Variants in STK11 observed in about 807,000 individuals in gnomAD.
STK11 encodes serine/threonine-protein kinase STK11.
A neutral mutation model predicts 47.3 loss-of-function variants in STK11; 8 were observed. That is an observed-to-expected ratio of 0.17 (90% CI 0.10 to 0.31). STK11 has a LOEUF of 0.31. Among genes scored for constraint, STK11 ranks in the 10% least tolerant of loss-of-function variants. STK11 has a pLI of 1.00. For synonymous variants in STK11, 330 were observed against 255.8 expected (o/e 1.29, Z -2.77); for missense variants, 475 against 605.0 (o/e 0.79, Z 2.25).
intron 3 of STK11, 60 bp from the exon 4 acceptor site, chr19:1,220,313 G>A: frequency 6.4e-7 from 1 of 1,555,078 alleles, no homozygotes; most frequent in Non-Finnish European, 8.7e-7. Context: ...CAGCTGCAAA[G>A]GGGACCCCTG....
At chr19:1,221,773 G>C in intron 6 of STK11, 176 bp from the exon 7 acceptor site, 2 of 695,978 alleles carry the variant, frequency 2.9e-6, no homozygotes, top group Middle Eastern at 3.4e-4. Context: ...GGCTGTCCCC[G>C]GCATGTCCCA....
intron 8 of STK11, chr19:1,226,044 T>C (rs1568716067): frequency 1.9e-6 from 2 of 1,026,112 alleles, no homozygotes; most frequent in Non-Finnish European, 2.3e-6. Context: ...GGCCCTCCTG[T>C]GTCCTCACAG....
intron 5 of STK11, 106 bp from the exon 6 acceptor site, chr19:1,221,107 G>T: frequency 6.6e-7 from 1 of 1,506,126 alleles, no homozygotes; most frequent in Non-Finnish European, 9.0e-7. Context: ...CAGGGCCTCT[G>T]GTCCAGCAGC....
At position 1,221,933 on chromosome 19, in the gene STK11, G is replaced by C. The variant is rs373096204; in HGVS notation, c.863-16G>C. ...CCTGTGCCCAGCTGACAGGCTCCTC[G>C]CCGGCTTCTCCTCAGGGATGCTTGA... On this transcript the variant is annotated splice_polypyrimidine_tract_variant and intron_variant, in intron 6 of 9. Coordinates refer to ENST00000326873, the MANE Select transcript of STK11 (RefSeq NM_000455.5). 1 of 1,551,482 alleles carries C rather than the reference G, an allele frequency of 6.4e-7. No homozygotes were observed. The highest frequency in any genetic ancestry group is 1.2e-5 in the South Asian group (1 of 84,150).
intron 2 of STK11, among the ~76,000 whole-genome samples, chr19:1,218,751 C>T (rs2080761028): frequency 6.6e-6 from 1 of 152,208 alleles, no homozygotes; most frequent in South Asian, 2.1e-4. Flanking sequence ...CTCAGAGTCT[C>T]CTCCCAGGCT....
chr19:1,209,311 G>A (rs983181893), intron 1 of STK11, among the ~76,000 whole-genome samples: 26 of 152,260 alleles, frequency 1.7e-4, no homozygotes, highest in Middle Eastern at 6.8e-3. Flanking sequence ...GGCCGGGCGC[G>A]GTGGCTCACG....
intron 1 of STK11, among the ~76,000 whole-genome samples, chr19:1,214,985 C>T (rs569463536): frequency 1.3e-5 from 2 of 152,354 alleles, no homozygotes; most frequent in South Asian, 2.1e-4. Context: ...CACCGCATCT[C>T]CTCTGAATAG....
In STK11 at chr19:1,223,078, G is replaced by C. The variant is rs375462277; in HGVS notation, c.1014G>C (p.Val338=). ...ACCGGTGGCGCAGCATGACTGTGGT[G>C]CCGTACTTGGAGGACCTGCACGGCG... The part of the protein sequence containing the change: ...TKDRWRSMTV[V]PYLEDLHGAD... The change falls in exon 8 of 10, where the codon GTG becomes GTC. Residue 338 remains valine (V), a synonymous_variant. Transcript: ENST00000326873. 2 of 1,608,512 alleles carry C rather than the reference G, an allele frequency of 1.2e-6. No individual in the cohort carries two copies. Among genetic ancestry groups the C allele is most frequent in the Non-Finnish European group, 1.7e-6 (2 of 1,178,162 alleles).
chr19:1,207,919 C>A (rs1024821852), intron 1 of STK11, among the ~76,000 whole-genome samples: 1 of 152,202 alleles, frequency 6.6e-6, no homozygotes. Flanking sequence ...TGCATCTGTG[C>A]GCGGAGAAGC....
intron 3 of STK11, 98 bp from the exon 4 acceptor site, chr19:1,220,275 G>C (rs1438673046): frequency 6.8e-7 from 1 of 1,462,898 alleles, no homozygotes; most frequent in Non-Finnish European, 9.2e-7. Flanking sequence ...TTCCCAGCTG[G>C]GCCTGTGGTG....
At position 1,218,385 on chromosome 19, in the gene STK11, C is replaced by T. The variant is rs57281474; in HGVS notation, c.291-32C>T. Reference sequence around the variant, plus strand: ...CCAGGCCATCATCCTGACGTTGGGTCGGCTGATACACCCCTGTCCTCTCTG... The same window carrying T: ...CCAGGCCATCATCCTGACGTTGGGTTGGCTGATACACCCCTGTCCTCTCTG... On this transcript the variant is annotated intron_variant, in intron 1 of 9. Transcript: ENST00000326873. 7.1e-3 allele frequency: 11,284 copies of T among 1,579,526 alleles called. 775 individuals carry two copies. The African/African-American group carries it at 0.14, about 19-fold the overall frequency.
At chr19:1,223,266 T>G in intron 8 of STK11, 94 bp downstream of exon 8, 1 of 1,427,102 alleles carries the variant, frequency 7.0e-7, no homozygotes, top group Non-Finnish European at 9.5e-7. Flanking sequence ...AAGGACAGCT[T>G]CTGCCCTCTG....
intron 2 of STK11, 44 bp from the exon 3 acceptor site, chr19:1,219,280 G>C: frequency 1.3e-6 from 2 of 1,552,648 alleles, no homozygotes; most frequent in South Asian, 2.4e-5. Flanking sequence ...CCCTGGGCCT[G>C]TGAGTGGGGC....
rs2080782189 is a variant in STK11, at chr19:1,221,280, G to A, written c.802G>A (p.Gly268Arg). 1.2e-6 allele frequency: 2 copies of A among 1,611,780 alleles called. No homozygotes were observed. The highest frequency in any genetic ancestry group is 1.7e-6 in the Non-Finnish European group (2 of 1,179,308). Residue 268 changes from glycine to arginine, a missense_variant, in exon 6 of 10, where the codon GGG becomes AGG. Physicochemically the swap from Gly to Arg is moderately radical, Grantham distance 125 (BLOSUM62 -2). Around this residue, in one of 5 missense-constraint regions of STK11, gnomAD observed 130 missense variants for 239.7 expected, o/e 0.54. Transcript: ENST00000326873. ...DNIYKLFENI[G>R]KGSYAIPGDC... ...CATCTACAAGTTGTTTGAGAACATC[G>A]GGAAGGGGAGCTACGCCATCCCGGG... is the stretch of plus-strand genomic sequence containing the variant.
chr19:1,227,408 G>A (rs2080832884), intron 9 of STK11, 185 bp from the exon 10 acceptor site: 5 of 515,082 alleles, frequency 9.7e-6, no homozygotes, highest in Non-Finnish European at 1.3e-5. Context: ...AGGCCCCACT[G>A]CAAAAGGCCA....
chr19:1,214,965 G>A (rs1427607629), intron 1 of STK11, among the ~76,000 whole-genome samples: 4 of 152,134 alleles, frequency 2.6e-5, no homozygotes, highest in African/African-American at 9.7e-5. Flanking sequence ...CACCTTCCCC[G>A]CCCCCCGGCC....
At chr19:1,224,709 G>A in intron 8 of STK11, 1 of 985,696 alleles carries the variant, frequency 1.0e-6, no homozygotes, top group Non-Finnish European at 1.2e-6. Flanking sequence ...TGGGAGGAGA[G>A]CAGGGGCTGG....
chr19:1,227,502 G>C (rs369448599), intron 9 of STK11, 91 bp from the exon 10 acceptor site: 1 of 1,057,036 alleles, frequency 9.5e-7, no homozygotes, highest in African/African-American at 1.7e-5. Context: ...CCCCATGACT[G>C]TACCTCAGCT....
At chr19:1,211,816 G>A (rs564279083) in intron 1 of STK11, among the ~76,000 whole-genome samples, 1 of 152,358 alleles carries the variant, frequency 6.6e-6, no homozygotes, top group East Asian at 1.9e-4. Context: ...GCCTGGTTGC[G>A]GCGATGATTG....
Sources: allele counts gnomAD v4.1 joint callset (sites outside exome capture counted in the v4.1 genomes callset), GRCh38; gene constraint gnomAD v4.1.1; regional missense constraint gnomAD v4.1.1; transcripts MANE v1.5; gene names NCBI Gene and HGNC (gene_info 2026-07-23, HGNC 2026-07-21).